Variants in DOCK10 observed in about 807,000 individuals in gnomAD.
DOCK10 encodes dedicator of cytokinesis 10, also known as dedicator of cytokinesis protein 10.
In DOCK10, 145 loss-of-function variants were observed where a neutral mutation model predicts 280.1. That is an observed-to-expected ratio of 0.52 (90% CI 0.45 to 0.59). The LOEUF is 0.59. Among genes scored for constraint, DOCK10 ranks in the 20% least tolerant of loss-of-function variants. DOCK10 has a pLI of 0.00. For missense variants in DOCK10, 2,368 were observed against 2,651.7 expected, an observed-to-expected ratio of 0.89 and a Z score of 2.35; for synonymous variants, 915 against 942.2, an observed-to-expected ratio of 0.97 and a Z score of 0.53.
chr2:224,993,677 T>A (rs1706190861), intron 1 of DOCK10, among the ~76,000 whole-genome samples: 1 of 152,196 alleles, frequency 6.6e-6, no homozygotes, highest in African/African-American at 2.4e-5. Context: ...CGTAACTGAA[T>A]TCTGACTGTA....
chr2:224,767,882 A>C (rs1463681546), intron 55 of DOCK10, among the ~76,000 whole-genome samples: 2 of 150,652 alleles, frequency 1.3e-5, no homozygotes, highest in Non-Finnish European at 3.0e-5. Flanking sequence ...TTTCCTTTTT[A>C]TATTTTGATG....
intron 1 of DOCK10, among the ~76,000 whole-genome samples, chr2:224,984,931 T>C (rs375856190): frequency 1.8e-4 from 27 of 150,934 alleles, no homozygotes; most frequent in African/African-American, 6.6e-4. Context: ...AACCTCGGCC[T>C]CCCAGGTTCA....
chr2:224,841,126 G>A (rs1695935340), intron 23 of DOCK10, among the ~76,000 whole-genome samples: 1 of 152,134 alleles, frequency 6.6e-6, no homozygotes, highest in Non-Finnish European at 1.5e-5. Context: ...GCTGGGAGAT[G>A]TTGATCAAAG....
intron 27 of DOCK10, among the ~76,000 whole-genome samples, chr2:224,827,287 A>G (rs1233860406): frequency 6.6e-6 from 1 of 151,942 alleles, no homozygotes; most frequent in East Asian, 1.9e-4. Context: ...AAAGTAAAGA[A>G]AAAAGATGAT....
chr2:224,802,219 T>C (rs570862890), intron 39 of DOCK10, among the ~76,000 whole-genome samples, 179 bp from the exon 40 acceptor site: 1 of 152,282 alleles, frequency 6.6e-6, no homozygotes, highest in Admixed American at 6.5e-5. Flanking sequence ...TAAAGTACTT[T>C]TGGAGAAATT....
intron 11 of DOCK10, among the ~76,000 whole-genome samples, chr2:224,865,871 A>T (rs965516990): frequency 1.4e-4 from 20 of 145,728 alleles, no homozygotes; most frequent in East Asian, 6.0e-4. Context: ...ACACACACAC[A>T]CTCTCTCTCT....
intron 2 of DOCK10, among the ~76,000 whole-genome samples, chr2:224,918,947 GTGTGTGGTGTGTGTGTGTA>G (rs1701511893): frequency 6.8e-6 from 1 of 146,656 alleles, no homozygotes; most frequent in Non-Finnish European, 1.5e-5. Flanking sequence ...TGGTGTGAAT[GTGTGTGGTGTGTGTGTGTA>G]TGTGTGGTGT....
At chr2:224,944,222 C>T (rs1484143986) in intron 1 of DOCK10, among the ~76,000 whole-genome samples, 3 of 152,174 alleles carry the variant, frequency 2.0e-5, no homozygotes, top group African/African-American at 7.2e-5. Context: ...ACCCCAAGCA[C>T]TCAGCTTAAT....
intron 1 of DOCK10, among the ~76,000 whole-genome samples, chr2:225,017,705 CAAAA>C (rs61170287): frequency 3.9e-5 from 5 of 126,762 alleles, no homozygotes; most frequent in Non-Finnish European, 8.4e-5. Context: ...CCTACTGTTC[CAAAA>C]AAAAAAAAAA....
At chr2:224,859,835 C>T (rs888399988) in intron 14 of DOCK10, among the ~76,000 whole-genome samples, 1 of 152,214 alleles carries the variant, frequency 6.6e-6, no homozygotes, top group Non-Finnish European at 1.5e-5. Flanking sequence ...ACATGGGCAA[C>T]AACCGGCCTT....
Position 225,042,183 on chromosome 2 carries a change from G to T in DOCK10, c.123+69C>A. ...GACCTGGGCCCGCCGAGCTTTTGGG[G>T]AAGCTGGGCTCCGTTCCCCCCGGGC... On this transcript the variant is annotated intron_variant, in intron 1 of 55. Coordinates refer to ENST00000258390, the MANE Select transcript of DOCK10 (RefSeq NM_014689.3). This position sits in a 1 kb window ranked among gnomAD's most constrained non-coding sequence, Gnocchi z 5.1. The T allele has an allele frequency of 8.2e-7, 1 of 1,216,250 alleles. No homozygotes were observed. The highest frequency in any genetic ancestry group is 1.0e-6 in the Non-Finnish European group (1 of 977,540). 75.3% of individuals were successfully genotyped at this position (1,216,250 alleles called of 1,614,324 possible).
chr2:224,915,767 T>C (rs1349310134), intron 3 of DOCK10, among the ~76,000 whole-genome samples: 2 of 152,210 alleles, frequency 1.3e-5, no homozygotes, highest in African/African-American at 4.8e-5. Flanking sequence ...AAGCATCATT[T>C]ATTTATTCAG....
At chr2:225,017,096 GAA>G (rs1689630923) in intron 1 of DOCK10, among the ~76,000 whole-genome samples, 1 of 87,586 alleles carries the variant, frequency 1.1e-5, no homozygotes, top group South Asian at 4.1e-4. Flanking sequence ...AGATGAAACT[GAA>G]TAAAATTAAA....
At chr2:225,024,301 T>G (rs996363923) in intron 1 of DOCK10, among the ~76,000 whole-genome samples, 5 of 152,388 alleles carry the variant, frequency 3.3e-5, no homozygotes, top group Non-Finnish European at 7.3e-5. Flanking sequence ...TACTGATTTC[T>G]TGATCTTGGT....
At chr2:224,947,029 G>T in intron 1 of DOCK10, 1 of 1,442,606 alleles carries the variant, frequency 6.9e-7, no homozygotes, top group South Asian at 1.5e-5. Flanking sequence ...AGCGTCACCA[G>T]GCTGAACAAA....
chr2:224,813,387 G>T (rs2125272738), intron 31 of DOCK10, among the ~76,000 whole-genome samples: 1 of 152,162 alleles, frequency 6.6e-6, no homozygotes, highest in African/African-American at 2.4e-5. Flanking sequence ...GTAGAGATGG[G>T]GTTTCACCAT....
chr2:224,935,974 C>A (rs983563271), intron 1 of DOCK10, among the ~76,000 whole-genome samples: 2 of 152,142 alleles, frequency 1.3e-5, no homozygotes, highest in African/African-American at 4.8e-5. Context: ...AATATAGTCA[C>A]CCTAATCCAA....
At chr2:224,969,608 T>G (rs1041609196) in intron 1 of DOCK10, among the ~76,000 whole-genome samples, 2 of 152,190 alleles carry the variant, frequency 1.3e-5, no homozygotes, top group Non-Finnish European at 2.9e-5. Flanking sequence ...CCAGTTCTAT[T>G]AATCACAGAT....
intron 34 of DOCK10, 79 bp downstream of exon 34, chr2:224,806,047 C>A: frequency 1.3e-6 from 1 of 788,724 alleles, no homozygotes. Context: ...AAATTACGGA[C>A]TGAGTAAAAA....
Sources: gnomAD v4.1 joint callset for allele counts (sites outside exome capture counted in the v4.1 genomes callset) on GRCh38, gnomAD v4.1.1 for gene constraint, Gnocchi (gnomAD v3.1) non-coding constraint, MANE v1.5 for transcripts, NCBI Gene and HGNC (gene_info 2026-07-23, HGNC 2026-07-21) for gene names.